KIF15: variants seen among roughly 807,000 people sequenced by gnomAD.
The protein encoded by KIF15 is kinesin family member 15, also known as kinesin-like protein KIF15.
In KIF15, 140 loss-of-function variants were observed where a neutral mutation model predicts 190.6. The ratio of observed to expected loss-of-function variants is 0.73; its 90% CI spans 0.64 to 0.84. The LOEUF (loss-of-function observed/expected upper bound fraction) is 0.84. Among genes scored for constraint, KIF15 ranks in the 40% least tolerant of loss-of-function variants. The pLI, the probability that KIF15 is intolerant of heterozygous loss-of-function variation, is 0.00. For synonymous variants in KIF15, 528 were observed against 551.3 expected (o/e 0.96, Z 0.59); for missense variants, 1,372 against 1,584.4 (o/e 0.87, Z 2.28).
At chr3:44,861,982 AC>A in intron 6 of KIF15, 2 of 1,377,444 alleles carry the variant, frequency 1.5e-6, no homozygotes, top group Non-Finnish European at 1.9e-6. Context: ...GTACCCTGAC[AC>A]CCCCGCGGAA....
intron 20 of KIF15, among the ~76,000 whole-genome samples, chr3:44,815,870 T>G (rs1247158192): frequency 1.3e-5 from 2 of 152,242 alleles, no homozygotes; most frequent in South Asian, 4.1e-4. Flanking sequence ...TGTAACTGTT[T>G]GCTCTGGAAA....
intron 6 of KIF15, among the ~76,000 whole-genome samples, chr3:44,859,667 C>CAT (rs1035261497): frequency 4.6e-5 from 7 of 151,900 alleles, no homozygotes; most frequent in African/African-American, 1.2e-4. Flanking sequence ...TCAAAAAATA[C>CAT]ATATATATAT....
intron 6 of KIF15, among the ~76,000 whole-genome samples, chr3:44,859,431 A>G (rs914982472): frequency 6.6e-5 from 10 of 152,130 alleles, no homozygotes; most frequent in Non-Finnish European, 1.3e-4. Context: ...TTGGGAGGCC[A>G]AGGTGGGTGG....
intron 20 of KIF15, among the ~76,000 whole-genome samples, chr3:44,819,383 G>C (rs139334856): frequency 2.8e-4 from 42 of 152,284 alleles, no homozygotes; most frequent in African/African-American, 9.1e-4. Context: ...TGGGCATTTA[G>C]TGCTATGAAT....
intron 7 of KIF15, among the ~76,000 whole-genome samples, chr3:44,792,482 GA>G (rs1319277511): frequency 6.6e-6 from 1 of 150,706 alleles, no homozygotes; most frequent in Non-Finnish European, 1.5e-5. Context: ...TTAAAAAAAA[GA>G]AAAAAGATAC....
intron 6 of KIF15, among the ~76,000 whole-genome samples, chr3:44,860,308 T>G (rs1488279279): frequency 1.3e-5 from 2 of 152,186 alleles, no homozygotes; most frequent in Non-Finnish European, 2.9e-5. Context: ...CAGTGAGACC[T>G]CTGAGCCTCA....
chr3:44,805,693 C>G (rs1284295445), intron 15 of KIF15, 152 bp from the exon 16 acceptor site: 2 of 791,262 alleles, frequency 2.5e-6, no homozygotes, highest in Non-Finnish European at 4.1e-6. Context: ...GTTTACTGAA[C>G]TGGAGAATGA....
chr3:44,812,158 A>G (rs373167164), intron 17 of KIF15, 24 bp from the exon 18 acceptor site: 18 of 1,518,450 alleles, frequency 1.2e-5, no homozygotes, highest in Non-Finnish European at 1.5e-5. Flanking sequence ...ATAAATTTTG[A>G]TGACTGAAGT....
At position 44,848,115 on chromosome 3, in the gene KIF15, G is replaced by T. The variant is rs1698932225; in HGVS notation, c.3768+58G>T. 8 of 995,182 alleles carry T rather than the reference G, an allele frequency of 8.0e-6. No homozygotes were observed. The South Asian group carries it at 1.0e-4, about 13-fold the overall frequency. 61.6% of individuals were successfully genotyped at this position (995,182 alleles called of 1,614,324 possible). A position where few individuals can be genotyped will look rare whatever the true frequency, so the allele number is the denominator to read the frequency against. ...TGTCTGAGCAATGCTTTTATAGTTAGTATTTATGGTAGTATATTTTAGAAA... is the reference window on the plus strand; with the variant it reads ...TGTCTGAGCAATGCTTTTATAGTTATTATTTATGGTAGTATATTTTAGAAA... On this transcript the variant is annotated intron_variant, in intron 31 of 34. Coordinates refer to ENST00000326047, the MANE Select transcript of KIF15 (RefSeq NM_020242.3).
chr3:44,844,849 G>GGATGCA (rs1698771363), intron 30 of KIF15, among the ~76,000 whole-genome samples: 1 of 152,188 alleles, frequency 6.6e-6, no homozygotes, highest in Admixed American at 6.5e-5. Flanking sequence ...TGGAGGAGAT[G>GGATGCA]GATGCAGCCG....
chr3:44,862,032 C>G (rs1699259279), intron 6 of KIF15: 1 of 1,383,370 alleles, frequency 7.2e-7, no homozygotes, highest in Non-Finnish European at 9.4e-7. Context: ...TGCGGCGCCG[C>G]TTTTGGGGCG....
chr3:44,847,889 A>G, intron 30 of KIF15, 96 bp from the exon 31 acceptor site: 1 of 843,406 alleles, frequency 1.2e-6, no homozygotes. Context: ...ACACCTTGGC[A>G]TTGCTGCATA....
chr3:44,811,169 G>A (rs1707766907), intron 17 of KIF15, 126 bp downstream of exon 17: 6 of 681,738 alleles, frequency 8.8e-6, no homozygotes, highest in South Asian at 7.0e-5. Flanking sequence ...ATCTTTTTAA[G>A]TGTGGGTTTA....
rs1298411234 is a variant in KIF15 at position 44,814,953 on chromosome 3, C to G, written c.2426C>G (p.Ser809Cys). 3 of 1,612,026 alleles carry G rather than the reference C, an allele frequency of 1.9e-6. No individual in the cohort carries two copies. Among genetic ancestry groups the G allele is most frequent in the Non-Finnish European group, 2.5e-6 (3 of 1,179,364 alleles). The change falls in exon 20 of 35, where the codon TCT (serine) becomes TGT (cysteine). Residue 809 changes from serine to cysteine, a missense_variant. Physicochemically the swap from Ser to Cys is moderately radical, Grantham distance 112 (BLOSUM62 -1). Coordinates refer to ENST00000326047, the MANE Select transcript of KIF15 (RefSeq NM_020242.3). ...EVHDLRVVLHSADKELSSVKL... is the reference protein window; with the variant it reads ...EVHDLRVVLHCADKELSSVKL... ...CATGACCTGCGAGTAGTCCTTCATT[C>G]TGCTGACAAGGAGCTTTCTTCAGTG... is the stretch of plus-strand genomic sequence containing the variant.
At chr3:44,801,336 T>G in intron 11 of KIF15, 114 bp from the exon 12 acceptor site, 1 of 618,944 alleles carries the variant, frequency 1.6e-6, no homozygotes, top group East Asian at 2.9e-5. Context: ...CCGGCCACAG[T>G]CTCATTCTTT....
At position 44,851,808 on chromosome 3, in the gene KIF15, C is replaced by T. The variant is rs770779617; in HGVS notation, c.3828C>T (p.Ala1276=). 6.8e-6 allele frequency: 11 copies of T among 1,613,260 alleles called. No homozygotes were observed. In the South Asian group the frequency reaches 1.2e-4, roughly 18 times the overall value. ...MKADLEEVQS[A]LYNKEMECLR... is the part of the protein sequence containing the mutation. ...ACAGCCTAGAAGAAGTCCAAAGTGC[C>T]CTTTACAACAAAGAGATGGAATGCC... The change falls in exon 33 of 35, where the codon GCC becomes GCT. Residue 1276 remains alanine, a synonymous_variant. Coordinates refer to ENST00000326047, the MANE Select transcript of KIF15 (RefSeq NM_020242.3).
At chr3:44,772,801 C>G (rs1453921662) in intron 1 of KIF15, among the ~76,000 whole-genome samples, 1 of 152,178 alleles carries the variant, frequency 6.6e-6, no homozygotes, top group African/African-American at 2.4e-5. Flanking sequence ...AGGATTGAAT[C>G]CAGGCCACCA....
At chr3:44,789,651 T>C in intron 7 of KIF15, among the ~76,000 whole-genome samples, 1 of 5,966 alleles carries the variant, frequency 1.7e-4, no homozygotes, top group East Asian at 0.023. Flanking sequence ...TTTATATATA[T>C]ATATATATAT....
At chr3:44,835,302 C>T (rs1462707221) in intron 26 of KIF15, among the ~76,000 whole-genome samples, 4 of 152,036 alleles carry the variant, frequency 2.6e-5, no homozygotes, top group South Asian at 2.1e-4. Flanking sequence ...TGTAGTAATG[C>T]GATCATGGCT....
Sources: allele counts gnomAD v4.1 joint callset (sites outside exome capture counted in the v4.1 genomes callset), GRCh38; gene constraint gnomAD v4.1.1; transcripts MANE v1.5; gene names NCBI Gene and HGNC (gene_info 2026-07-23, HGNC 2026-07-21).